ANKRD44: variants seen among roughly 807,000 people sequenced by gnomAD.
ANKRD44 encodes the protein serine/threonine-protein phosphatase 6 regulatory ankyrin repeat subunit B.
A neutral mutation model predicts 116.0 loss-of-function variants in ANKRD44; 35 were observed. The observed-to-expected ratio is 0.30, with a 90% CI of 0.23 to 0.40. The LOEUF (loss-of-function observed/expected upper bound fraction) is 0.40, where lower values mean the gene tolerates loss of function less well. Among genes scored for constraint, ANKRD44 ranks in the 10% least tolerant of loss-of-function variants. The probability of loss-of-function intolerance (pLI) is 1.00; values close to 1 mark genes in which losing one functional copy is unlikely to be tolerated. For missense variants in ANKRD44, 1,014 were observed against 1,242.6 expected, an observed-to-expected ratio of 0.82 and a Z score of 2.77; for synonymous variants, 435 against 461.8, an observed-to-expected ratio of 0.94 and a Z score of 0.74.
intron 17 of ANKRD44, chr2:197,015,324 A>G: frequency 2.1e-6 from 1 of 468,376 alleles, no homozygotes; most frequent in Non-Finnish European, 3.9e-6. Flanking sequence ...CCATTTTAAA[A>G]GGTATGGCAA....
rs750810915 is a variant in ANKRD44 at position 197,147,119 on chromosome 2, C to T, written c.112-14G>A. The T allele has an allele frequency of 3.3e-5, 54 of 1,612,576 alleles. 1 individual carries two copies. In the South Asian group the frequency reaches 4.4e-4, roughly 13 times the overall value. On this transcript the variant is annotated splice_polypyrimidine_tract_variant and intron_variant, in intron 2 of 27. Transcript: ENST00000282272. ...TTTCTCAGAATCCTGAAATACACAA[C>T]GTCAAAGACATACAACAGGTCAGTG...
At chr2:197,085,696 C>T (rs939135664) in intron 13 of ANKRD44, among the ~76,000 whole-genome samples, 29 of 152,094 alleles carry the variant, frequency 1.9e-4, no homozygotes, top group Non-Finnish European at 3.7e-4. Context: ...TAATCCACCC[C>T]TTGTTTAGCA....
chr2:197,086,774 A>G, intron 12 of ANKRD44, 26 bp from the exon 13 acceptor site: 1 of 1,607,786 alleles, frequency 6.2e-7, no homozygotes, highest in Non-Finnish European at 8.5e-7. Context: ...AAACATCATT[A>G]AGATGGAAGA....
rs766255763 is a variant in ANKRD44, at chr2:197,136,563, G to A, written c.261+29C>T. On this transcript the variant is annotated intron_variant, in intron 4 of 27. Coordinates refer to ENST00000282272, the MANE Select transcript of ANKRD44 (RefSeq NM_001195144.2). ...CTTTTTCTTTTTCTAGGCACAGTAG[G>A]TATTAGATTAAATATGGTAATCACT... 6.9e-6 allele frequency: 11 copies of A among 1,594,218 alleles called. No homozygotes were observed. The Admixed American group carries it at 1.8e-4, about 27-fold the overall frequency.
chr2:197,134,765 T>C (rs1027709204), intron 4 of ANKRD44: 11 of 152,190 alleles, frequency 7.2e-5, no homozygotes, highest in African/African-American at 2.2e-4. Flanking sequence ...TTGAATTATT[T>C]TCCCAACTAA....
chr2:197,051,785 T>C (rs774574742), intron 16 of ANKRD44, among the ~76,000 whole-genome samples: 1 of 152,032 alleles, frequency 6.6e-6, no homozygotes, highest in East Asian at 1.9e-4. Context: ...TAGGGGACAT[T>C]TGGCAGTGTC....
chr2:197,212,598 G>T lies in ANKRD44; in HGVS notation c.28-25492C>A, dbSNP rs1048393576. Among the ~76,000 whole-genome samples the T allele has an allele frequency of 3.3e-5, 5 of 152,218 alleles. No homozygotes were observed. The highest frequency in any genetic ancestry group is 6.5e-5 in the Admixed American group (1 of 15,284). On this transcript the variant is annotated intron_variant, in intron 1 of 27. Coordinates refer to ENST00000282272, the MANE Select transcript of ANKRD44 (RefSeq NM_001195144.2). This position sits in a 1 kb window ranked among gnomAD's most constrained non-coding sequence, Gnocchi z 4.8. ...CACATTCATTCAAAATAACACATTT[G>T]TTCACCCTGCCTCTTCCACTCTCCT...
chr2:197,161,100 A>G (rs1023279173), intron 2 of ANKRD44, among the ~76,000 whole-genome samples: 5 of 152,216 alleles, frequency 3.3e-5, no homozygotes, highest in African/African-American at 1.2e-4. Context: ...CGAACACACT[A>G]CAAAGATTCC....
Position 197,079,879 on chromosome 2 carries a change from CAG to C in ANKRD44, c.1539-1067_1539-1066del, listed in dbSNP as rs542419634. 2.7e-3 allele frequency among the ~76,000 whole-genome samples: 410 copies of C among 152,208 alleles called. 2 individuals are homozygous for C. The highest frequency in any genetic ancestry group is 9.4e-3 in the African/African-American group (390 of 41,532). ...CAATTACACATAGGGACAATTAAAA[CAG>C]ACACTTCAATTTCTAGAAAAACTGA... On this transcript the variant is annotated intron_variant, in intron 15 of 27. Transcript: ENST00000282272.
intron 2 of ANKRD44, among the ~76,000 whole-genome samples, chr2:197,167,358 G>A (rs900290883): frequency 3.3e-5 from 5 of 152,070 alleles, no homozygotes; most frequent in African/African-American, 1.2e-4. Context: ...AAAACAGATT[G>A]AAGTAGATAT....
chr2:197,134,823 A>T (rs971372934), intron 4 of ANKRD44: 4 of 152,182 alleles, frequency 2.6e-5, no homozygotes, highest in African/African-American at 9.7e-5. Flanking sequence ...ACATATTTTT[A>T]AAGAGACACT....
intron 16 of ANKRD44, among the ~76,000 whole-genome samples, chr2:197,069,994 TTTGGGGC>T (rs2125092428): frequency 6.6e-6 from 1 of 152,256 alleles, no homozygotes; most frequent in South Asian, 2.1e-4. Flanking sequence ...ACAGCAATTT[TTTGGGGC>T]AGTTGAAAAT....
intron 1 of ANKRD44, among the ~76,000 whole-genome samples, chr2:197,299,799 A>G (rs2083843062): frequency 1.3e-5 from 2 of 152,144 alleles, no homozygotes; most frequent in African/African-American, 4.8e-5. Flanking sequence ...GTAATCAAAC[A>G]CCACCCATTC....
intron 8 of ANKRD44, among the ~76,000 whole-genome samples, chr2:197,113,912 T>C (rs2078649286): frequency 6.6e-6 from 1 of 151,994 alleles, no homozygotes; most frequent in Admixed American, 6.6e-5. Context: ...GTAGATAAGG[T>C]GGGGAAATTG....
chr2:197,228,098 GC>G (rs1177560969), intron 1 of ANKRD44, among the ~76,000 whole-genome samples: 1 of 152,192 alleles, frequency 6.6e-6, no homozygotes, highest in African/African-American at 2.4e-5. Context: ...CCCTCTCTGA[GC>G]CTCAGTCTTC....
intron 1 of ANKRD44, among the ~76,000 whole-genome samples, chr2:197,258,519 T>C (rs1344621304): frequency 6.6e-6 from 1 of 152,234 alleles, no homozygotes; most frequent in Non-Finnish European, 1.5e-5. Flanking sequence ...TTCCATCTTT[T>C]GGTTATTGTG....
intron 1 of ANKRD44, among the ~76,000 whole-genome samples, chr2:197,198,595 C>T (rs376942493): frequency 1.7e-3 from 252 of 151,994 alleles, no homozygotes; most frequent in African/African-American, 5.2e-3. Context: ...AGTTTGAGAC[C>T]AGCCTGGCCA....
At chr2:197,205,010 C>T (rs1265136887) in intron 1 of ANKRD44, among the ~76,000 whole-genome samples, 3 of 152,234 alleles carry the variant, frequency 2.0e-5, no homozygotes, top group Non-Finnish European at 4.4e-5. Flanking sequence ...AGCTGCCCAT[C>T]CCTGATGTGC....
intron 4 of ANKRD44, chr2:197,133,845 C>T (rs943388539): frequency 6.6e-6 from 1 of 151,982 alleles, no homozygotes; most frequent in Non-Finnish European, 1.5e-5. Context: ...TTCCACAGGA[C>T]AGCAATGTGC....
Sources: gnomAD v4.1 joint callset for allele counts (sites outside exome capture counted in the v4.1 genomes callset) on GRCh38, gnomAD v4.1.1 for gene constraint, Gnocchi (gnomAD v3.1) non-coding constraint, MANE v1.5 for transcripts, NCBI Gene and HGNC (gene_info 2026-07-23, HGNC 2026-07-21) for gene names.